MYORG: variants seen among roughly 807,000 people sequenced by gnomAD.
MYORG encodes alpha-galactosidase MYORG.
Under a neutral mutation model 49.8 loss-of-function variants are expected in MYORG, and 45 were observed. The ratio of observed to expected loss-of-function variants is 0.90; its 90% CI spans 0.71 to 1.16. MYORG has a LOEUF of 1.16. Among genes scored for constraint, MYORG ranks in the 50% most tolerant of loss-of-function variants. The probability of loss-of-function intolerance (pLI) is 0.00; values close to 1 mark genes in which losing one functional copy is unlikely to be tolerated. For synonymous variants in MYORG, 552 were observed against 462.9 expected (o/e 1.19, Z -2.47); for missense variants, 1,110 against 1,026.5 (o/e 1.08, Z -1.11).
intron 1 of MYORG, among the ~76,000 whole-genome samples, chr9:34,374,211 TCTCTGA>T (rs1310579636): frequency 6.6e-6 from 1 of 152,194 alleles, no homozygotes; most frequent in African/African-American, 2.4e-5. Context: ...CCAACAGGCC[TCTCTGA>T]CTCTAACTTC....
At position 34,370,906 on chromosome 9, in the gene MYORG, C is replaced by A. The variant is rs1408718110; in HGVS notation, c.2038G>T (p.Gly680Cys). The A allele has an allele frequency of 1.2e-6, 2 of 1,613,206 alleles. No homozygotes were observed. Among genetic ancestry groups the A allele is most frequent in the African/African-American group, 1.3e-5 (1 of 74,928 alleles). ...KQERDVYLPA[G>C]KWRSYKGELF... ...TCACCCTTGTAGCTGCGCCACTTGC[C>A]GGCGGGCAAATAGACGTCGCGCTCC... Residue 680 changes from glycine to cysteine, a missense_variant, in exon 2 of 2, where the codon GGC becomes TGC. Gly to Cys is a radical substitution (Grantham distance 159). Transcript: ENST00000297625.
chr9:34,375,165 C>G (rs537561687), intron 1 of MYORG, among the ~76,000 whole-genome samples: 1 of 152,272 alleles, frequency 6.6e-6, no homozygotes, highest in East Asian at 1.9e-4. Context: ...CAGTGTCTGT[C>G]TCTAAGTCCC....
rs1413122444 is a variant in MYORG, at chr9:34,371,298, A to G, written c.1646T>C (p.Ile549Thr). Reference protein sequence around the residue: ...LTVSMLGYPFILPDMVGGNAV... With the variant: ...LTVSMLGYPFTLPDMVGGNAV... ...GTTGCCGCCCACCATATCGGGTAGG[A>G]TGAATGGGTAGCCCAGCATGCTGAC... Residue 549 changes from isoleucine to threonine, a missense_variant, in exon 2 of 2, where the codon ATC becomes ACC. Physicochemically the swap from Ile to Thr is moderately conservative, Grantham distance 89. Coordinates refer to ENST00000297625, the MANE Select transcript of MYORG (RefSeq NM_020702.5). 6.2e-7 allele frequency: 1 copy of G among 1,611,600 alleles called. No individual in the cohort carries two copies. Among genetic ancestry groups the G allele is most frequent in the East Asian group, 2.2e-5 (1 of 44,776 alleles).
In MYORG at chr9:34,367,420, C is replaced by G. The variant is rs982898494; in HGVS notation, c.*3379G>C. On this transcript the variant is annotated 3_prime_UTR_variant, in exon 2 of 2. Transcript: ENST00000297625. Reference sequence around the variant, plus strand: ...AACTCAAAAGTCCATACTCCAAAGTCTCATCTGAAACAAGGCAAGTCCCTT... The same window carrying G: ...AACTCAAAAGTCCATACTCCAAAGTGTCATCTGAAACAAGGCAAGTCCCTT... 6.6e-6 allele frequency: 1 copy of G among 152,188 alleles called. No individual in the cohort carries two copies. The highest frequency in any genetic ancestry group is 6.5e-5 in the Admixed American group (1 of 15,280). 9.4% of individuals were successfully genotyped at this position (152,188 alleles called of 1,614,324 possible).
In MYORG at chr9:34,368,155, C is replaced by G. The variant is rs1460097724; in HGVS notation, c.*2644G>C. On this transcript the variant is annotated 3_prime_UTR_variant, in exon 2 of 2. Coordinates refer to ENST00000297625, the MANE Select transcript of MYORG (RefSeq NM_020702.5). ...CTAGAGCAGCTGGGATGCATGGTAC[C>G]AAGTCCCTGGGCTGCACACAGCAAG... 6.6e-6 allele frequency: 1 copy of G among 152,270 alleles called. No homozygotes were observed. The highest frequency in any genetic ancestry group is 6.5e-5 in the Admixed American group (1 of 15,272). 9.4% of individuals were successfully genotyped at this position (152,270 alleles called of 1,614,324 possible). A position where few individuals can be genotyped will look rare whatever the true frequency, so the allele number is the denominator to read the frequency against.
chr9:34,368,283 T>C lies in MYORG; in HGVS notation c.*2516A>G, dbSNP rs1336401623. ...AGGTCTCTGACATGCCCTGCAGACA[T>C]TTTCCCCATGTCTTAGTGATTAACA... On this transcript the variant is annotated 3_prime_UTR_variant, in exon 2 of 2. Transcript: ENST00000297625. The C allele has an allele frequency of 6.6e-6, 1 of 152,242 alleles. No individual in the cohort carries two copies. Among genetic ancestry groups the C allele is most frequent in the African/African-American group, 2.4e-5 (1 of 41,470 alleles). The allele number at this position is 152,242 out of a possible 1,614,324, so 9.4% of individuals were successfully genotyped here.
rs1198616385 is a variant in MYORG, at chr9:34,371,117, G to A, written c.1827C>T (p.Ala609=). The change falls in exon 2 of 2, where the codon GCC becomes GCT. Residue 609 remains alanine, a synonymous_variant. Transcript: ENST00000297625. ...GCGGTGCCACAAGCGAGGCCCGCAG[G>A]GCGGCGAACTTCTGCGCGATGGCCA... is the stretch of plus-strand genomic sequence containing the variant. ...EVVAIAQKFA[A]LRASLVAPLL... 6.2e-7 allele frequency: 1 copy of A among 1,607,812 alleles called. No individual in the cohort carries two copies. The highest frequency in any genetic ancestry group is 1.1e-5 in the South Asian group (1 of 90,896).
Position 34,372,079 on chromosome 9 carries a change from C to T in MYORG, c.865G>A (p.Val289Ile). Residue 289 changes from valine to isoleucine, a missense_variant, in exon 2 of 2, where the codon GTC becomes ATC. Transcript: ENST00000297625. ...LSYRVCVGSDVTSIHKYMVRR... is the reference protein window; with the variant it reads ...LSYRVCVGSDITSIHKYMVRR... ...ACCATGTACTTGTGGATGGAGGTGA[C>T]GTCTGAGCCCACGCACACTCGGTAG... The T allele has an allele frequency of 3.1e-6, 5 of 1,613,606 alleles. No homozygotes were observed. The highest frequency in any genetic ancestry group is 3.4e-6 in the Non-Finnish European group (4 of 1,179,860).
chr9:34,367,927 G>A lies in MYORG; in HGVS notation c.*2872C>T, dbSNP rs1325302671. The A allele has an allele frequency of 6.6e-6, 1 of 152,232 alleles. No individual in the cohort carries two copies. Among genetic ancestry groups the A allele is most frequent in the African/African-American group, 2.4e-5 (1 of 41,470 alleles). 9.4% of individuals were successfully genotyped at this position (152,232 alleles called of 1,614,324 possible). ...TTGCCTTAACAGAGGTTCTCCATGA[G>A]GGCCTCACTCCTGTAGCAAACTTCT... On this transcript the variant is annotated 3_prime_UTR_variant, in exon 2 of 2. Transcript: ENST00000297625.
rs954603951 is a variant in MYORG, at chr9:34,372,746, C to T, written c.198G>A (p.Leu66=). ...PLLGSAVLGL[L]LVLAAVVAWC... is the part of the protein sequence containing the mutation. Reference sequence around the variant, plus strand: ...AGGCCACCACCGCGGCCAGCACAAGCAGCAGCCCCAGAACCGCGGAGCCCA... The same window carrying T: ...AGGCCACCACCGCGGCCAGCACAAGTAGCAGCCCCAGAACCGCGGAGCCCA... Residue 66 remains leucine (L), a synonymous_variant, in exon 2 of 2, where the codon CTG becomes CTA. Coordinates refer to ENST00000297625, the MANE Select transcript of MYORG (RefSeq NM_020702.5). 9.3e-6 allele frequency: 15 copies of T among 1,613,652 alleles called. No homozygotes were observed. The highest frequency in any genetic ancestry group is 3.3e-5 in the Admixed American group (2 of 59,976).
Position 34,374,901 on chromosome 9 carries a change from C to CAAAAAA in MYORG, c.-64+1886_-64+1891dup, listed in dbSNP as rs10651045. 6.5e-3 allele frequency among the ~76,000 whole-genome samples: 792 copies of CAAAAAA among 121,550 alleles called. 8 individuals carry two copies. Among genetic ancestry groups the CAAAAAA allele is most frequent in the African/African-American group, 0.023 (740 of 31,634 alleles). 79.7% of individuals were successfully genotyped at this position (121,550 alleles called of 152,430 possible). ...TAGGTGACAAAGTGAGACCCTATCT[C>CAAAAAA]AAAAAAAAAAAAAAAATACAGATAT... On this transcript the variant is annotated intron_variant, in intron 1 of 1. Transcript: ENST00000297625.
Position 34,371,687 on chromosome 9 carries a change from T to C in MYORG, c.1257A>G (p.Leu419=), listed in dbSNP as rs1287943779. 3.4e-5 allele frequency: 55 copies of C among 1,609,952 alleles called. No individual in the cohort carries two copies. The highest frequency in any genetic ancestry group is 4.7e-5 in the Non-Finnish European group (55 of 1,178,212). ...ELFVREPTGR[L]PALVRWWNGI... ...CGTTCCACCAGCGCACCAGCGCAGG[T>C]AACCGGCCCGTGGGTTCGCGCACGA... The change falls in exon 2 of 2, where the codon TTA becomes TTG. Residue 419 remains leucine, a synonymous_variant. Transcript: ENST00000297625.
Position 34,372,307 on chromosome 9 carries a change from C to A in MYORG, c.637G>T (p.Asp213Tyr). ...AACGCGGCGTCGGAGGAGTAGACAT[C>A]GCTGGTGACGAACGGCTGGGGCTCC... ...QQEPQPFVTS[D>Y]VYSSDAAFGG... The change falls in exon 2 of 2, where the codon GAT becomes TAT. Residue 213 changes from aspartate to tyrosine, a missense_variant. Asp to Tyr is a radical substitution (Grantham distance 160, BLOSUM62 -3). Coordinates refer to ENST00000297625, the MANE Select transcript of MYORG (RefSeq NM_020702.5). The A allele has an allele frequency of 6.2e-7, 1 of 1,609,884 alleles. No individual in the cohort carries two copies. Among genetic ancestry groups the A allele is most frequent in the Non-Finnish European group, 8.5e-7 (1 of 1,178,548 alleles).
rs779953134 is a variant in MYORG at position 34,371,313 on chromosome 9, A to T, written c.1631T>A (p.Leu544Gln). Reference sequence around the variant, plus strand: ...ATCGGGTAGGATGAATGGGTAGCCCAGCATGCTGACGGTGAGCACCGCGGG... The same window carrying T: ...ATCGGGTAGGATGAATGGGTAGCCCTGCATGCTGACGGTGAGCACCGCGGG... ...LIPAVLTVSM[L>Q]GYPFILPDMV... Residue 544 changes from leucine to glutamine, a missense_variant, in exon 2 of 2, where the codon CTG becomes CAG. By Grantham distance (113) the Leu-to-Gln change is moderately radical. Transcript: ENST00000297625. 2 of 1,612,256 alleles carry T rather than the reference A, an allele frequency of 1.2e-6. No homozygotes were observed. The highest frequency in any genetic ancestry group is 1.7e-6 in the Non-Finnish European group (2 of 1,179,438).
In MYORG at chr9:34,370,892, G is replaced by A; in HGVS notation, c.2052C>T (p.Ser684=). The A allele has an allele frequency of 6.2e-7, 1 of 1,613,400 alleles. No individual in the cohort carries two copies. The highest frequency in any genetic ancestry group is 8.5e-7 in the Non-Finnish European group (1 of 1,179,504). The part of the protein sequence containing the change: ...DVYLPAGKWR[S]YKGELFDKTP... ...TCTTGTCGAAAAGCTCACCCTTGTA[G>A]CTGCGCCACTTGCCGGCGGGCAAAT... The change falls in exon 2 of 2, where the codon AGC becomes AGT. Residue 684 remains serine (S), a synonymous_variant. Transcript: ENST00000297625.
In MYORG at chr9:34,372,971, C is replaced by G. The variant is rs775660830; in HGVS notation, c.-28G>C. 1 of 1,602,416 alleles carries G rather than the reference C, an allele frequency of 6.2e-7. No homozygotes were observed. The highest frequency in any genetic ancestry group is 1.7e-5 in the Admixed American group (1 of 59,296). On this transcript the variant is annotated 5_prime_UTR_variant, in exon 2 of 2. Transcript: ENST00000297625. ...GTGGGCTGCTAAGAAAGGAGCGGGC[C>G]GTGGGGCCATCTGACTGAGTTCATC...
Position 34,371,612 on chromosome 9 carries a change from G to A in MYORG, c.1332C>T (p.Phe444=), listed in dbSNP as rs1189874092. Residue 444 remains phenylalanine (F), a synonymous_variant, in exon 2 of 2, where the codon TTC becomes TTT. Transcript: ENST00000297625. ...DFTHPKARDW[F]QGHLRRLRSR... is the part of the protein sequence containing the mutation. ...AGCGCAGCCGCCGCAGGTGTCCCTG[G>A]AACCAGTCGCGGGCCTTTGGGTGCG... 10 of 1,605,962 alleles carry A rather than the reference G, an allele frequency of 6.2e-6. No homozygotes were observed. The highest frequency in any genetic ancestry group is 6.8e-6 in the Non-Finnish European group (8 of 1,178,234).
rs371635711 is a variant in MYORG, at chr9:34,372,592, C to A, written c.352G>T (p.Gly118Cys). Residue 118 changes from glycine to cysteine, a missense_variant, in exon 2 of 2, where the codon GGC (glycine) becomes TGC (cysteine). By Grantham distance (159) the Gly-to-Cys change is radical. Transcript: ENST00000297625. ...EQVFRLAFRS[G>C]ALDLDSCSRD... ...CTGCAGGAGTCAAGGTCCAGCGCGC[C>A]GGAGCGGAAGGCCAGGCGGAAGACC... is the stretch of plus-strand genomic sequence containing the variant. 1.9e-6 allele frequency: 3 copies of A among 1,603,566 alleles called. No individual in the cohort carries two copies. Among genetic ancestry groups the A allele is most frequent in the Non-Finnish European group, 2.6e-6 (3 of 1,175,552 alleles).
intron 1 of MYORG, among the ~76,000 whole-genome samples, chr9:34,373,286 C>T (rs773157623): frequency 6.6e-6 from 1 of 152,154 alleles, no homozygotes; most frequent in Non-Finnish European, 1.5e-5. Context: ...GAGAAACAAA[C>T]CCTGAGAGGG....
Sources: gnomAD v4.1 joint callset for allele counts (sites outside exome capture counted in the v4.1 genomes callset) on GRCh38, gnomAD v4.1.1 for gene constraint, MANE v1.5 for transcripts, NCBI Gene and HGNC (gene_info 2026-07-23, HGNC 2026-07-21) for gene names.